Variants in SNX32 observed in about 807,000 individuals in gnomAD.
SNX32 encodes sorting nexin 32.
Under a neutral mutation model 57.0 loss-of-function variants are expected in SNX32, and 58 were observed. That is an observed-to-expected ratio of 1.02 (90% CI 0.82 to 1.27). SNX32 has a LOEUF of 1.27. SNX32 is among the 50% of genes most tolerant of loss of function. SNX32 has a pLI of 0.00. For missense variants in SNX32, 589 were observed against 541.2 expected (o/e 1.09, Z -0.88); for synonymous variants, 262 against 220.4 (o/e 1.19, Z -1.67).
Position 65,849,540 on chromosome 11 carries a change from A to C in SNX32, c.99A>C (p.Ala33=), listed in dbSNP as rs369776314. 4 of 1,614,214 alleles carry C rather than the reference A, an allele frequency of 2.5e-6. No homozygotes were observed. The Middle Eastern group carries it at 4.9e-4, about 200-fold the overall frequency. Residue 33 remains alanine (A), a synonymous_variant, in exon 2 of 13, where the codon GCA becomes GCC. Transcript: ENST00000308342. ...CCTTACAGGTGGAGATTTCTGACGC[A>C]GTGAGTGAGCGGGACAAGGTGAAAT... ...DSSLQVEISD[A]VSERDKVKFT...
In SNX32 at chr11:65,845,024, A is replaced by G. The variant is rs899134357; in HGVS notation, c.37-4454A>G. 6.0e-5 allele frequency among the ~76,000 whole-genome samples: 9 copies of G among 149,360 alleles called. 1 individual carries two copies. Among genetic ancestry groups the G allele is most frequent in the Middle Eastern group, 6.5e-3 (2 of 306 alleles). On this transcript the variant is annotated intron_variant, in intron 1 of 12. Transcript: ENST00000308342. ...GTAAGAATGTTCATGGAAGCCAGAC[A>G]TGGTGCTGCACACTTGTAATCCCAG...
chr11:65,851,524 G>A (rs1859196222), intron 8 of SNX32, 116 bp from the exon 9 acceptor site: 2 of 1,514,750 alleles, frequency 1.3e-6, no homozygotes, highest in South Asian at 2.3e-5. Context: ...TCTCCTGTTG[G>A]GGGATGGTGT....
chr11:65,846,972 A>G (rs1456748093), intron 1 of SNX32, among the ~76,000 whole-genome samples: 1 of 151,480 alleles, frequency 6.6e-6, no homozygotes, highest in African/African-American at 2.4e-5. Flanking sequence ...AACAAGAGTG[A>G]AACTCCATTT....
rs1254458987 is a variant in SNX32 at position 65,849,598 on chromosome 11, G to A, written c.141+16G>A. ...TCAAACAAAGGTGAGGCAGTGCGGGGCACGAGGAAAGGTCCTGGTGGCTGC... is the reference window on the plus strand; with the variant it reads ...TCAAACAAAGGTGAGGCAGTGCGGGACACGAGGAAAGGTCCTGGTGGCTGC... On this transcript the variant is annotated intron_variant, in intron 2 of 12. Coordinates refer to ENST00000308342, the MANE Select transcript of SNX32 (RefSeq NM_152760.3). 27 of 1,609,786 alleles carry A rather than the reference G, an allele frequency of 1.7e-5. No homozygotes were observed. The highest frequency in any genetic ancestry group is 2.2e-5 in the East Asian group (1 of 44,758).
In SNX32 at chr11:65,852,882, A is replaced by G. The variant is rs1034000291; in HGVS notation, c.1082A>G (p.Asp361Gly). Reference protein sequence around the residue: ...LSDSAKQELMDFKSRRVSSFR... With the variant: ...LSDSAKQELMGFKSRRVSSFR... Reference sequence around the variant, plus strand: ...TTCCCCTCCTCTCCAGAGCTCATGGACTTCAAGTCCCGCCGGGTCTCCTCT... The same window carrying G: ...TTCCCCTCCTCTCCAGAGCTCATGGGCTTCAAGTCCCGCCGGGTCTCCTCT... Residue 361 changes from aspartate to glycine, a missense_variant, in exon 12 of 13, where the codon GAC becomes GGC. Physicochemically the swap from Asp to Gly is moderately conservative, Grantham distance 94. Coordinates refer to ENST00000308342, the MANE Select transcript of SNX32 (RefSeq NM_152760.3). The G allele has an allele frequency of 3.1e-6, 5 of 1,613,868 alleles. No individual in the cohort carries two copies. The highest frequency in any genetic ancestry group is 1.7e-5 in the Admixed American group (1 of 59,994).
At chr11:65,834,750 A>C (rs1036742362) in intron 1 of SNX32, among the ~76,000 whole-genome samples, 1 of 127,914 alleles carries the variant, frequency 7.8e-6, no homozygotes, top group Non-Finnish European at 1.6e-5. Flanking sequence ...CTCTGTGTCT[A>C]TGTATGGTCT....
At position 65,849,542 on chromosome 11, in the gene SNX32, T is replaced by C. The variant is rs1465160038; in HGVS notation, c.101T>C (p.Val34Ala). ...SSLQVEISDA[V>A]SERDKVKFTV... Reference sequence around the variant, plus strand: ...TTACAGGTGGAGATTTCTGACGCAGTGAGTGAGCGGGACAAGGTGAAATTC... The same window carrying C: ...TTACAGGTGGAGATTTCTGACGCAGCGAGTGAGCGGGACAAGGTGAAATTC... The change falls in exon 2 of 13, where the codon GTG (valine) becomes GCG (alanine). Residue 34 changes from valine (V) to alanine (A), a missense_variant. By Grantham distance (64) the Val-to-Ala change is moderately conservative. Coordinates refer to ENST00000308342, the MANE Select transcript of SNX32 (RefSeq NM_152760.3). 1 of 1,614,064 alleles carries C rather than the reference T, an allele frequency of 6.2e-7. No individual in the cohort carries two copies. Among genetic ancestry groups the C allele is most frequent in the Admixed American group, 1.7e-5 (1 of 60,010 alleles).
intron 9 of SNX32, among the ~76,000 whole-genome samples, 191 bp from the exon 10 acceptor site, chr11:65,852,274 A>T (rs1388650607): frequency 6.6e-6 from 1 of 151,894 alleles, no homozygotes; most frequent in Non-Finnish European, 1.5e-5. Flanking sequence ...GCTCTTACTC[A>T]GTCCCCGAGA....
chr11:65,839,732 C>CAAA (rs139892606), intron 1 of SNX32, among the ~76,000 whole-genome samples: 1 of 120,492 alleles, frequency 8.3e-6, no homozygotes. Flanking sequence ...GACCCTGTCC[C>CAAA]AAAAAAAAAA....
intron 1 of SNX32, among the ~76,000 whole-genome samples, chr11:65,835,073 G>C (rs1167219205): frequency 1.3e-5 from 2 of 150,604 alleles, no homozygotes; most frequent in South Asian, 4.2e-4. Context: ...CTGTGTGTGC[G>C]TGTGTCTGTG....
At chr11:65,838,315 T>C (rs564678599) in intron 1 of SNX32, among the ~76,000 whole-genome samples, 1 of 152,282 alleles carries the variant, frequency 6.6e-6, no homozygotes, top group South Asian at 2.1e-4. Context: ...CCTAATAATA[T>C]AGCATCAAAA....
chr11:65,851,358 C>T lies in SNX32; in HGVS notation c.740C>T (p.Ala247Val). 6.2e-7 allele frequency: 1 copy of T among 1,614,160 alleles called. No homozygotes were observed. Among genetic ancestry groups the T allele is most frequent in the Non-Finnish European group, 8.5e-7 (1 of 1,180,000 alleles). ...CLADDYIPISAALSSLGTQEV... is the reference protein window; with the variant it reads ...CLADDYIPISVALSSLGTQEV... ...GCAGACGATTATATCCCTATCTCAGCTGCGCTGAGCAGTCTGGGAACACAG... is the reference window on the plus strand; with the variant it reads ...GCAGACGATTATATCCCTATCTCAGTTGCGCTGAGCAGTCTGGGAACACAG... The change falls in exon 8 of 13, where the codon GCT (alanine) becomes GTT (valine). Residue 247 changes from alanine to valine, a missense_variant. By Grantham distance (64) the Ala-to-Val change is moderately conservative. Transcript: ENST00000308342.
chr11:65,846,672 G>A (rs756570230), intron 1 of SNX32, among the ~76,000 whole-genome samples: 6 of 151,828 alleles, frequency 4.0e-5, no homozygotes, highest in Non-Finnish European at 8.8e-5. Flanking sequence ...GCAAGAAGGA[G>A]CCTTCCGGAG....
In SNX32 at chr11:65,851,156, C is replaced by T; in HGVS notation, c.705C>T (p.His235=). ...GGGCCGACCGCGTCATGCGCGCCCA[C>T]AAGTGTACGCAGGGCCCAAGGGGTC... ...CLRADRVMRA[H]KCLADDYIPI... is the part of the protein sequence containing the mutation. The change falls in exon 7 of 13, where the codon CAC becomes CAT. Residue 235 remains histidine, a synonymous_variant. Coordinates refer to ENST00000308342, the MANE Select transcript of SNX32 (RefSeq NM_152760.3). 2 of 1,612,302 alleles carry T rather than the reference C, an allele frequency of 1.2e-6. No homozygotes were observed. Among genetic ancestry groups the T allele is most frequent in the African/African-American group, 2.7e-5 (2 of 75,062 alleles).
chr11:65,852,614 G>T lies in SNX32; in HGVS notation c.913-16G>T. On this transcript the variant is annotated splice_polypyrimidine_tract_variant and intron_variant, in intron 10 of 12. Coordinates refer to ENST00000308342, the MANE Select transcript of SNX32 (RefSeq NM_152760.3). ...GCCAGGACAGGGCAGCAGTGACCCT[G>T]TGCCCATGGTCCTAGGACCTGCTGT... 1.2e-6 allele frequency: 2 copies of T among 1,613,030 alleles called. No homozygotes were observed. Among genetic ancestry groups the T allele is most frequent in the African/African-American group, 1.3e-5 (1 of 75,030 alleles).
chr11:65,849,130 G>T (rs981972345), intron 1 of SNX32, among the ~76,000 whole-genome samples: 2 of 152,134 alleles, frequency 1.3e-5, no homozygotes, highest in African/African-American at 4.8e-5. Flanking sequence ...GGCAGTGCAA[G>T]ACTCCGTCTA....
intron 3 of SNX32, 40 bp from the exon 4 acceptor site, chr11:65,850,110 G>C (rs753671688): frequency 3.1e-6 from 5 of 1,614,206 alleles, no homozygotes; most frequent in Non-Finnish European, 4.2e-6. Context: ...GGCCGTCTCG[G>C]CAGTGAGAGG....
intron 9 of SNX32, among the ~76,000 whole-genome samples, chr11:65,851,915 G>A (rs773713011): frequency 5.3e-5 from 8 of 152,170 alleles, no homozygotes; most frequent in Non-Finnish European, 1.2e-4. Flanking sequence ...GTGTGCAGCA[G>A]CGGAGGGTTG....
At chr11:65,844,496 G>T (rs1307595299) in intron 1 of SNX32, among the ~76,000 whole-genome samples, 10 of 152,030 alleles carry the variant, frequency 6.6e-5, no homozygotes, top group Admixed American at 6.6e-4. Context: ...CGACTCTGTG[G>T]CAAAGATGTA....
Sources: allele counts gnomAD v4.1 joint callset (sites outside exome capture counted in the v4.1 genomes callset), GRCh38; gene constraint gnomAD v4.1.1; transcripts MANE v1.5; gene names NCBI Gene and HGNC (gene_info 2026-07-23, HGNC 2026-07-21).